The following GXYLT2 variants were observed in gnomAD, a reference collection of about 807,000 sequenced individuals.
GXYLT2 encodes the protein glucoside xylosyltransferase 2, also known as glycosyltransferase 8 domain containing 4.
Under a neutral mutation model 45.8 loss-of-function variants are expected in GXYLT2, and 53 were observed. The ratio of observed to expected loss-of-function variants is 1.16; its 90% CI spans 0.93 to 1.46. The LOEUF is 1.46. Among genes scored for constraint, GXYLT2 ranks in the 40% most tolerant of loss-of-function variants. The probability of loss-of-function intolerance (pLI) is 0.00; values close to 1 mark genes in which losing one functional copy is unlikely to be tolerated. For missense variants in GXYLT2, 551 were observed against 544.4 expected, an observed-to-expected ratio of 1.01 and a Z score of -0.12; for synonymous variants, 219 against 214.2, an observed-to-expected ratio of 1.02 and a Z score of -0.19.
intron 1 of GXYLT2, among the ~76,000 whole-genome samples, chr3:72,897,188 C>G (rs763275713): frequency 3.3e-5 from 5 of 152,202 alleles, no homozygotes; most frequent in Non-Finnish European, 7.3e-5. Context: ...AATACCAGCT[C>G]ATCTGTTTGT....
intron 3 of GXYLT2, among the ~76,000 whole-genome samples, chr3:72,942,321 C>T (rs1710317346): frequency 6.6e-6 from 1 of 151,824 alleles, no homozygotes; most frequent in African/African-American, 2.4e-5. Context: ...AAAATCACAC[C>T]TCTTCCTTAT....
chr3:72,966,974 G>T (rs537210986), intron 5 of GXYLT2, among the ~76,000 whole-genome samples: 1 of 152,074 alleles, frequency 6.6e-6, no homozygotes, highest in Non-Finnish European at 1.5e-5. Flanking sequence ...TTGCTATGTT[G>T]CCCAAGCTGT....
intron 5 of GXYLT2, among the ~76,000 whole-genome samples, chr3:72,963,331 G>T (rs1344917156): frequency 1.3e-5 from 2 of 151,868 alleles, no homozygotes; most frequent in Non-Finnish European, 2.9e-5. Context: ...TCCCAGCACT[G>T]GGAGGCTGAG....
intron 6 of GXYLT2, 136 bp downstream of exon 6, chr3:72,967,855 C>T (rs183623081): frequency 1.9e-4 from 126 of 672,602 alleles, no homozygotes; most frequent in Admixed American, 1.2e-3. Flanking sequence ...ACCTCAGTCA[C>T]GCTCTGTCAC....
At chr3:72,931,215 T>A (rs1157553574) in intron 3 of GXYLT2, among the ~76,000 whole-genome samples, 1 of 151,674 alleles carries the variant, frequency 6.6e-6, no homozygotes, top group African/African-American at 2.4e-5. Context: ...CATACTTCTT[T>A]ATTTTTTTAT....
chr3:72,926,357 C>T (rs1162459324), intron 3 of GXYLT2, among the ~76,000 whole-genome samples: 1 of 152,206 alleles, frequency 6.6e-6, no homozygotes, highest in African/African-American at 2.4e-5. Flanking sequence ...TCCTCTACTT[C>T]TGTGACTAAT....
At chr3:72,902,538 A>G (rs550749269) in intron 1 of GXYLT2, among the ~76,000 whole-genome samples, 5 of 152,312 alleles carry the variant, frequency 3.3e-5, no homozygotes, top group Non-Finnish European at 7.3e-5. Flanking sequence ...TGTTCAAGAC[A>G]TGTAAGCAGC....
In GXYLT2 at chr3:72,944,253, CT is replaced by C. The variant is rs1461671454; in HGVS notation, c.601-10836del. Reference sequence around the variant, plus strand: ...CAGGCACATGTCACCACACCTGGCTCTTTTTTTTTCTTTTTTTTTTTGAGAC... The same window carrying C: ...CAGGCACATGTCACCACACCTGGCTCTTTTTTTTCTTTTTTTTTTTGAGAC... On this transcript the variant is annotated intron_variant, in intron 3 of 6. Transcript: ENST00000389617. Among the ~76,000 whole-genome samples, 4 of 47,360 alleles carry C rather than the reference CT, an allele frequency of 8.4e-5. No homozygotes were observed. The East Asian group carries it at 6.4e-3, about 76-fold the overall frequency. The allele number at this position is 47,360 out of a possible 152,430, so 31.1% of individuals were successfully genotyped here. A position where few individuals can be genotyped will look rare whatever the true frequency, so the allele number is the denominator to read the frequency against.
At chr3:72,943,931 A>G (rs555955086) in intron 3 of GXYLT2, among the ~76,000 whole-genome samples, 1 of 145,780 alleles carries the variant, frequency 6.9e-6, no homozygotes, top group Admixed American at 6.8e-5. Flanking sequence ...CTGTCCTCCC[A>G]TTTTGGCCTT....
intron 1 of GXYLT2, among the ~76,000 whole-genome samples, chr3:72,891,627 A>G (rs962233655): frequency 2.6e-5 from 4 of 152,200 alleles, no homozygotes; most frequent in Admixed American, 6.5e-5. Context: ...TCTTCCTTCT[A>G]TTTTGGCTTA....
chr3:72,970,423 A>G (rs1036082477), intron 6 of GXYLT2, among the ~76,000 whole-genome samples: 11 of 151,658 alleles, frequency 7.3e-5, no homozygotes, highest in African/African-American at 2.7e-4. Flanking sequence ...AGCACTTTGG[A>G]GGCTGAGGTG....
chr3:72,923,821 G>A (rs893581036), intron 3 of GXYLT2, among the ~76,000 whole-genome samples: 2 of 152,170 alleles, frequency 1.3e-5, no homozygotes, highest in Non-Finnish European at 2.9e-5. Context: ...TGTGGAGATG[G>A]GGTCTCGCTA....
chr3:72,966,310 T>C (rs1435970795), intron 5 of GXYLT2, among the ~76,000 whole-genome samples: 5 of 149,328 alleles, frequency 3.3e-5, no homozygotes, highest in African/African-American at 1.2e-4. Context: ...TTTTTTTTTT[T>C]TCTTTGGTTT....
At chr3:72,907,293 C>T (rs1461430306) in intron 1 of GXYLT2, among the ~76,000 whole-genome samples, 4 of 152,192 alleles carry the variant, frequency 2.6e-5, no homozygotes, top group Non-Finnish European at 5.9e-5. Flanking sequence ...ATGCTCCACC[C>T]ACATCTTCAA....
At chr3:72,950,158 C>CA (rs1052308070) in intron 3 of GXYLT2, among the ~76,000 whole-genome samples, 7 of 151,492 alleles carry the variant, frequency 4.6e-5, no homozygotes, top group East Asian at 1.9e-4. Flanking sequence ...CCTGTCTCTA[C>CA]AAAAAAACAA....
At chr3:72,969,909 G>GAAAAAAAAA (rs113943491) in intron 6 of GXYLT2, among the ~76,000 whole-genome samples, 1 of 103,464 alleles carries the variant, frequency 9.7e-6, no homozygotes, top group Non-Finnish European at 1.8e-5. Context: ...ATGTGCATTT[G>GAAAAAAAAA]AAAAAAAAAA....
chr3:72,888,579 A>G (rs1007285679), intron 1 of GXYLT2, 71 bp downstream of exon 1: 6 of 1,008,038 alleles, frequency 6.0e-6, no homozygotes, highest in Admixed American at 5.4e-5. Flanking sequence ...GCCAAGTCCA[A>G]GGGAGGCTTT....
intron 3 of GXYLT2, 63 bp downstream of exon 3, chr3:72,922,398 GAT>G: frequency 6.6e-7 from 1 of 1,515,032 alleles, no homozygotes. Context: ...AATTAGCTGA[GAT>G]GTGTGTAGAA....
chr3:72,905,772 A>G (rs1047209416), intron 1 of GXYLT2, among the ~76,000 whole-genome samples: 4 of 152,192 alleles, frequency 2.6e-5, no homozygotes, highest in African/African-American at 9.7e-5. Flanking sequence ...TCCCTGCCCC[A>G]TATCCACATG....
Sources: gnomAD v4.1 joint callset for allele counts (sites outside exome capture counted in the v4.1 genomes callset) on GRCh38, gnomAD v4.1.1 for gene constraint, MANE v1.5 for transcripts, NCBI Gene and HGNC (gene_info 2026-07-23, HGNC 2026-07-21) for gene names.